Variants in USP3 observed in about 807,000 individuals in gnomAD.
The protein encoded by USP3 is ubiquitin specific peptidase 3, also known as ubiquitin carboxyl-terminal hydrolase 3.
A neutral mutation model predicts 72.3 loss-of-function variants in USP3; 20 were observed. The observed-to-expected ratio is 0.28, with a 90% CI of 0.19 to 0.40. The LOEUF (loss-of-function observed/expected upper bound fraction) is 0.40. Among genes scored for constraint, USP3 ranks in the 10% least tolerant of loss-of-function variants. The pLI, the probability that USP3 is intolerant of heterozygous loss-of-function variation, is 1.00. For synonymous variants in USP3, 222 were observed against 225.3 expected (o/e 0.99, Z 0.13); for missense variants, 479 against 633.9 (o/e 0.76, Z 2.62).
chr15:63,542,151 C>T lies in USP3; in HGVS notation c.284+4995C>T, dbSNP rs139689085. On this transcript the variant is annotated intron_variant, in intron 3 of 14. Coordinates refer to ENST00000380324, the MANE Select transcript of USP3 (RefSeq NM_006537.4). Reference sequence around the variant, plus strand: ...TGAGTAACTTCAATAGCACTAACAACAGGAATTGAAAAAAACTTAGAATTT... The same window carrying T: ...TGAGTAACTTCAATAGCACTAACAATAGGAATTGAAAAAAACTTAGAATTT... 134 of 984,822 alleles carry T rather than the reference C, an allele frequency of 1.4e-4. No homozygotes were observed. The Middle Eastern group carries it at 1.6e-3, about 12-fold the overall frequency. The allele number at this position is 984,822 out of a possible 1,614,324, so 61.0% of individuals were successfully genotyped here. A position where few individuals can be genotyped will look rare whatever the true frequency, so the allele number is the denominator to read the frequency against.
At chr15:63,527,687 A>G (rs948820665) in intron 1 of USP3, 7 of 152,242 alleles carry the variant, frequency 4.6e-5, no homozygotes, top group Non-Finnish European at 8.8e-5. Flanking sequence ...TCTTGTGAAC[A>G]CAACCTGAAA....
chr15:63,574,863 A>G lies in USP3; in HGVS notation c.1096+460A>G, dbSNP rs76236782. Among the ~76,000 whole-genome samples, 10,239 of 152,218 alleles carry G rather than the reference A, an allele frequency of 0.067. 400 individuals carry two copies. The highest frequency in any genetic ancestry group is 0.083 in the Non-Finnish European group (5,631 of 67,984). ...TGCTTTTAAGACTGTTAAAATTCAC[A>G]TGTATTTAGGGAGATTTGAACATAT... On this transcript the variant is annotated intron_variant, in intron 11 of 14. Transcript: ENST00000380324. This position sits in a 1 kb window ranked among gnomAD's most constrained non-coding sequence, Gnocchi z 4.6.
At chr15:63,562,816 G>T in intron 7 of USP3, 79 bp from the exon 8 acceptor site, 1 of 817,364 alleles carries the variant, frequency 1.2e-6, no homozygotes, top group East Asian at 2.7e-5. Flanking sequence ...TATATATTAG[G>T]CATTTTAGAT....
chr15:63,510,620 T>C (rs2065767949), intron 1 of USP3, among the ~76,000 whole-genome samples: 2 of 152,200 alleles, frequency 1.3e-5, no homozygotes, highest in South Asian at 2.1e-4. Context: ...TTAATAGAGC[T>C]TTCCTGGACA....
Position 63,512,036 on chromosome 15 carries a change from A to T in USP3, c.91+7206A>T, listed in dbSNP as rs1323559515. ...TGATGGCACGATCTTGTCTCACTGC[A>T]ACCTCCGCCTCTCGGGCTCAAGTAA... is the stretch of plus-strand genomic sequence containing the variant. On this transcript the variant is annotated intron_variant, in intron 1 of 14. Coordinates refer to ENST00000380324, the MANE Select transcript of USP3 (RefSeq NM_006537.4). 4.2e-5 allele frequency among the ~76,000 whole-genome samples: 6 copies of T among 143,430 alleles called. No homozygotes were observed. In the South Asian group the frequency reaches 1.3e-3, roughly 31 times the overall value. 94.1% of individuals were successfully genotyped at this position (143,430 alleles called of 152,430 possible).
At chr15:63,560,142 G>A (rs991036198) in intron 7 of USP3, among the ~76,000 whole-genome samples, 172 bp downstream of exon 7, 7 of 152,136 alleles carry the variant, frequency 4.6e-5, no homozygotes, top group African/African-American at 9.7e-5. Context: ...AATTCCGGCC[G>A]GGTGTGGTGG....
intron 1 of USP3, among the ~76,000 whole-genome samples, chr15:63,531,454 T>C (rs1172017185): frequency 3.3e-5 from 5 of 152,202 alleles, no homozygotes; most frequent in Admixed American, 1.3e-4. Context: ...TTCATAGAAT[T>C]TGGGTCCTGG....
chr15:63,532,857 C>CT lies in USP3; in HGVS notation c.152+153dup, dbSNP rs146346405. 1,241 of 785,360 alleles carry CT rather than the reference C, an allele frequency of 1.6e-3. 9 individuals are homozygous for CT. The highest frequency in any genetic ancestry group is 0.014 in the East Asian group (523 of 37,606). The allele number at this position is 785,360 out of a possible 1,614,324, so 48.6% of individuals were successfully genotyped here. On this transcript the variant is annotated intron_variant, in intron 2 of 14. Transcript: ENST00000380324. Reference sequence around the variant, plus strand: ...AGGGCTTCCTTCTCCAGTTGAATCCCTTTGTTCTGTGATACAACTGGGGAA... The same window carrying CT: ...AGGGCTTCCTTCTCCAGTTGAATCCCTTTTGTTCTGTGATACAACTGGGGAA...
chr15:63,568,863 T>C (rs1382324644), intron 8 of USP3, among the ~76,000 whole-genome samples: 1 of 152,198 alleles, frequency 6.6e-6, no homozygotes, highest in African/African-American at 2.4e-5. Context: ...TTCCGTGATC[T>C]CATGTAGTTT....
intron 1 of USP3, among the ~76,000 whole-genome samples, chr15:63,506,175 TC>T (rs1175310664): frequency 6.6e-6 from 1 of 152,176 alleles, no homozygotes; most frequent in South Asian, 2.1e-4. Flanking sequence ...GTATTGCAGT[TC>T]TTTTGTGAGG....
intron 2 of USP3, among the ~76,000 whole-genome samples, chr15:63,535,948 A>T (rs562876030): frequency 1.3e-3 from 205 of 152,348 alleles, no homozygotes; most frequent in Non-Finnish European, 2.5e-3. Flanking sequence ...GCTGCTTTCT[A>T]GGAACTGGGA....
chr15:63,574,308 C>G lies in USP3; in HGVS notation c.1016-15C>G. On this transcript the variant is annotated splice_polypyrimidine_tract_variant and intron_variant, in intron 10 of 14. Transcript: ENST00000380324. This position sits in a 1 kb window ranked among gnomAD's most constrained non-coding sequence, Gnocchi z 4.6. Reference sequence around the variant, plus strand: ...GCCTTTAACAGCTCTCTGTTTACCTCTCTCTCCTTTTAAGACCTTTCATTA... The same window carrying G: ...GCCTTTAACAGCTCTCTGTTTACCTGTCTCTCCTTTTAAGACCTTTCATTA... 6.4e-7 allele frequency: 1 copy of G among 1,573,252 alleles called. No individual in the cohort carries two copies. Among genetic ancestry groups the G allele is most frequent in the Non-Finnish European group, 8.6e-7 (1 of 1,163,714 alleles).
chr15:63,506,343 T>TA (rs1314193525), intron 1 of USP3, among the ~76,000 whole-genome samples: 1 of 144,904 alleles, frequency 6.9e-6, no homozygotes, highest in Non-Finnish European at 1.5e-5. Flanking sequence ...AATTGTAACT[T>TA]AATTTTTTTC....
chr15:63,567,006 C>T (rs1273464379), intron 8 of USP3, among the ~76,000 whole-genome samples: 1 of 152,160 alleles, frequency 6.6e-6, no homozygotes, highest in Non-Finnish European at 1.5e-5. Flanking sequence ...TCTCTTTCTA[C>T]ATACAATATA....
intron 1 of USP3, among the ~76,000 whole-genome samples, chr15:63,508,053 T>C (rs1036334081): frequency 1.3e-5 from 2 of 152,144 alleles, no homozygotes; most frequent in East Asian, 3.9e-4. Context: ...ATTCAGTCTC[T>C]TGAGATGTCA....
chr15:63,531,489 A>G (rs1248577594), intron 1 of USP3, among the ~76,000 whole-genome samples: 1 of 152,222 alleles, frequency 6.6e-6, no homozygotes, highest in African/African-American at 2.4e-5. Flanking sequence ...CAGTGGTACT[A>G]TAATTAACTA....
At chr15:63,536,265 G>A (rs1157284956) in intron 2 of USP3, among the ~76,000 whole-genome samples, 1 of 152,132 alleles carries the variant, frequency 6.6e-6, no homozygotes, top group East Asian at 1.9e-4. Context: ...TGATTATTCA[G>A]GCATTCAAAT....
intron 2 of USP3, among the ~76,000 whole-genome samples, chr15:63,534,350 C>A (rs896852751): frequency 3.3e-5 from 5 of 152,094 alleles, no homozygotes; most frequent in African/African-American, 1.2e-4. Context: ...AGTGAATATT[C>A]TTCCCACTAG....
intron 1 of USP3, among the ~76,000 whole-genome samples, chr15:63,511,953 C>CTTTTTTT (rs58146448): frequency 2.7e-5 from 3 of 112,274 alleles, no homozygotes; most frequent in Non-Finnish European, 5.5e-5. Context: ...AACTGCAGAT[C>CTTTTTTT]TTTTTTTTTT....
Sources: allele counts gnomAD v4.1 joint callset (sites outside exome capture counted in the v4.1 genomes callset), GRCh38; gene constraint gnomAD v4.1.1; non-coding constraint Gnocchi (gnomAD v3.1); transcripts MANE v1.5; gene names NCBI Gene and HGNC (gene_info 2026-07-23, HGNC 2026-07-21).